WDR4: variants seen among roughly 807,000 people sequenced by gnomAD.
WDR4 encodes the protein tRNA (guanine-N(7)-)-methyltransferase non-catalytic subunit WDR4.
In WDR4, 47 loss-of-function variants were observed where a neutral mutation model predicts 48.6. The ratio of observed to expected loss-of-function variants is 0.97; its 90% CI spans 0.77 to 1.23. The LOEUF (loss-of-function observed/expected upper bound fraction) is 1.23, where lower values mean the gene tolerates loss of function less well. Ranked by LOEUF, WDR4 falls within the 50% of genes most tolerant of loss-of-function variation. The probability of loss-of-function intolerance (pLI) is 0.00; values close to 1 mark genes in which losing one functional copy is unlikely to be tolerated. For missense variants in WDR4, 606 were observed against 551.6 expected (o/e 1.10, Z -0.99); for synonymous variants, 268 against 230.0 (o/e 1.17, Z -1.49).
At chr21:42,890,069 A>C in the WDR4 span, among the ~76,000 whole-genome samples, 2 of 151,232 alleles carry the variant, frequency 1.3e-5, no homozygotes, top group Admixed American at 6.6e-5. Flanking sequence ...GTGACAGAGT[A>C]AGAACCTAAA....
chr21:42,846,659 G>A (rs1453919863), downstream of WDR4, among the ~76,000 whole-genome samples: 1 of 152,204 alleles, frequency 6.6e-6, no homozygotes, highest in East Asian at 1.9e-4. Flanking sequence ...GCTGCTGTGA[G>A]CTGAGATCAC....
rs2057771503 is a variant in WDR4, at chr21:42,849,824, A to G, written c.*225T>C. On this transcript the variant is annotated 3_prime_UTR_variant, in exon 11 of 11. Coordinates refer to ENST00000398208, the MANE Select transcript of WDR4 (RefSeq NM_018669.6). The stretch of plus-strand genomic sequence containing the variant: ...AAAGTGCTTCAAGAGCTTCCACTCC[A>G]CTGGTCTGGCTTCCCTTCAACCAGA... 1.9e-6 allele frequency: 1 copy of G among 523,090 alleles called. No individual in the cohort carries two copies. Among genetic ancestry groups the G allele is most frequent in the African/African-American group, 2.0e-5 (1 of 50,122 alleles). The allele number at this position is 523,090 out of a possible 1,614,324, so 32.4% of individuals were successfully genotyped here. A position where few individuals can be genotyped will look rare whatever the true frequency, so the allele number is the denominator to read the frequency against.
At chr21:42,879,017 C>G in intron 1 of WDR4, 1 of 1,030,656 alleles carries the variant, frequency 9.7e-7, no homozygotes, top group Non-Finnish European at 1.2e-6. Context: ...CCCGCTTCTT[C>G]CCAGTTCTGC....
chr21:42,889,522 C>T, the WDR4 span, among the ~76,000 whole-genome samples: 1 of 152,154 alleles, frequency 6.6e-6, no homozygotes, highest in Non-Finnish European at 1.5e-5. Context: ...AGTGTTCTAG[C>T]CCCAAGGTCT....
At chr21:42,853,458 G>T (rs1395935945) in intron 9 of WDR4, 111 bp downstream of exon 9, 4 of 1,243,740 alleles carry the variant, frequency 3.2e-6, no homozygotes, top group East Asian at 5.1e-5. Flanking sequence ...CCCAGAAGTG[G>T]CTGAGTTGAA....
At chr21:42,854,810 C>G (rs1006528091) in intron 7 of WDR4, among the ~76,000 whole-genome samples, 184 bp from the exon 8 acceptor site, 1 of 152,090 alleles carries the variant, frequency 6.6e-6, no homozygotes, top group African/African-American at 2.4e-5. Context: ...GTTTCCCAAG[C>G]AGATGACAAA....
upstream of WDR4, chr21:42,879,582 C>T: frequency 1.1e-5 from 17 of 1,513,916 alleles, no homozygotes; most frequent in South Asian, 4.6e-5. Context: ...GCGCAGACGC[C>T]GAGAGATGAC....
At chr21:42,861,816 G>T (rs2058122497) in intron 5 of WDR4, among the ~76,000 whole-genome samples, 1 of 152,222 alleles carries the variant, frequency 6.6e-6, no homozygotes, top group Admixed American at 6.5e-5. Flanking sequence ...GTGTGAGACA[G>T]GAGCGGGCAT....
chr21:42,883,496 A>G (rs1005659617), upstream of WDR4: 19 of 153,584 alleles, frequency 1.2e-4, no homozygotes, highest in Non-Finnish European at 2.8e-4. Flanking sequence ...TGGGGATGTG[A>G]CCTTTTTTGG....
chr21:42,850,268 G>A, intron 10 of WDR4, 26 bp from the exon 11 acceptor site: 1 of 1,563,718 alleles, frequency 6.4e-7, no homozygotes, highest in Non-Finnish European at 8.7e-7. Context: ...AAGGACAGGT[G>A]CCAGGTGGGG....
chr21:42,890,871 C>G, the WDR4 span, among the ~76,000 whole-genome samples: 1 of 152,116 alleles, frequency 6.6e-6, no homozygotes, highest in Non-Finnish European at 1.5e-5. Context: ...TGCACTTGGC[C>G]CTGTCCTTTC....
chr21:42,854,509 TC>T, intron 8 of WDR4, 52 bp downstream of exon 8: 1 of 1,573,730 alleles, frequency 6.4e-7, no homozygotes, highest in Non-Finnish European at 8.6e-7. Context: ...CGCTAACTCT[TC>T]CCCCTGCAGG....
chr21:42,859,571 A>ATCCACAGGGGCCAGCGT, intron 6 of WDR4, 91 bp downstream of exon 6: 1 of 1,385,956 alleles, frequency 7.2e-7, no homozygotes, highest in Non-Finnish European at 1.0e-6. Context: ...GGGGCCAGCG[A>ATCCACAGGGGCCAGCGT]TCCACAGGGG....
At chr21:42,876,218 C>CTTTTTTTCTTTTT (rs2058488082) in intron 2 of WDR4, among the ~76,000 whole-genome samples, 1 of 105,858 alleles carries the variant, frequency 9.4e-6, no homozygotes, top group South Asian at 3.1e-4. Flanking sequence ...ACACTGTACT[C>CTTTTTTTCTTTTT]TTTTTTTTTT....
intron 3 of WDR4, among the ~76,000 whole-genome samples, chr21:42,866,562 C>T (rs1014822169): frequency 2.0e-5 from 3 of 152,116 alleles, no homozygotes; most frequent in African/African-American, 7.2e-5. Context: ...GCATAAAAAG[C>T]CTCCAGGTGT....
downstream of WDR4, among the ~76,000 whole-genome samples, chr21:42,844,382 C>T (rs774324809): frequency 2.0e-5 from 3 of 152,206 alleles, no homozygotes; most frequent in African/African-American, 4.8e-5. Flanking sequence ...AGAATACATA[C>T]ATGATGACTA....
chr21:42,878,775 C>T (rs1012260310), intron 1 of WDR4, among the ~76,000 whole-genome samples: 20 of 152,300 alleles, frequency 1.3e-4, no homozygotes, highest in Admixed American at 1.2e-3. Flanking sequence ...GAAAGCAAAA[C>T]CCGAGCCGTG....
intron 3 of WDR4, among the ~76,000 whole-genome samples, chr21:42,871,817 G>A (rs956893404): frequency 6.6e-6 from 1 of 152,100 alleles, no homozygotes; most frequent in African/African-American, 2.4e-5. Context: ...GATACACAAA[G>A]ACACAAAAAC....
intron 5 of WDR4, 77 bp from the exon 6 acceptor site, chr21:42,859,799 G>A: frequency 7.1e-7 from 1 of 1,418,222 alleles, no homozygotes; most frequent in Non-Finnish European, 9.7e-7. Flanking sequence ...GAGGCCGCCT[G>A]TTCATCTAAG....
Sources: allele counts gnomAD v4.1 joint callset (sites outside exome capture counted in the v4.1 genomes callset), GRCh38; gene constraint gnomAD v4.1.1; transcripts MANE v1.5; gene names NCBI Gene and HGNC (gene_info 2026-07-23, HGNC 2026-07-21).